The following PTPRK variants were observed in gnomAD, a reference collection of about 807,000 sequenced individuals.
PTPRK encodes the protein protein tyrosine phosphatase receptor type K.
PTPRK carries 75 observed loss-of-function variants against 178.0 expected under a neutral mutation model. That is an observed-to-expected ratio of 0.42 (90% CI 0.35 to 0.51). The LOEUF is 0.51. Ranked by LOEUF, PTPRK falls within the 20% of genes least tolerant of loss-of-function variation. PTPRK has a pLI of 0.02. For synonymous variants in PTPRK, 637 were observed against 620.6 expected (o/e 1.03, Z -0.39); for missense variants, 1,441 against 1,797.8 (o/e 0.80, Z 3.59).
At chr6:128,378,681 G>A (rs141428134) in intron 2 of PTPRK, among the ~76,000 whole-genome samples, 12 of 152,074 alleles carry the variant, frequency 7.9e-5, no homozygotes, top group East Asian at 3.9e-4. Flanking sequence ...ATGCATAATC[G>A]TTCAAAGAAG....
At chr6:128,071,027 T>C (rs1034250163) in intron 11 of PTPRK, among the ~76,000 whole-genome samples, 2 of 151,820 alleles carry the variant, frequency 1.3e-5, no homozygotes, top group African/African-American at 2.4e-5. Flanking sequence ...CTCATTTACC[T>C]TTCTTCCTGT....
chr6:128,001,916 A>C (rs2114694744), intron 15 of PTPRK, among the ~76,000 whole-genome samples: 1 of 152,026 alleles, frequency 6.6e-6, no homozygotes, highest in South Asian at 2.1e-4. Flanking sequence ...GCTTAGCAGA[A>C]GATGACATTT....
intron 15 of PTPRK, among the ~76,000 whole-genome samples, chr6:128,003,870 G>A (rs908601486): frequency 6.6e-6 from 1 of 151,544 alleles, no homozygotes; most frequent in Non-Finnish European, 1.5e-5. Flanking sequence ...GATCTGAAAG[G>A]CCCTGTCATG....
chr6:128,096,769 C>T (rs539093515), intron 7 of PTPRK, among the ~76,000 whole-genome samples: 1 of 151,926 alleles, frequency 6.6e-6, no homozygotes, highest in Admixed American at 6.6e-5. Flanking sequence ...TTTATCAAAA[C>T]AAATACAAGA....
intron 3 of PTPRK, among the ~76,000 whole-genome samples, chr6:128,307,549 G>A (rs971813437): frequency 6.7e-6 from 1 of 150,128 alleles, no homozygotes; most frequent in Non-Finnish European, 1.5e-5. Flanking sequence ...ATAAACCCAA[G>A]CCAAGACAAG....
intron 3 of PTPRK, among the ~76,000 whole-genome samples, chr6:128,263,713 T>C (rs1385010104): frequency 6.6e-6 from 1 of 152,128 alleles, no homozygotes; most frequent in African/African-American, 2.4e-5. Context: ...TTCCTAAAAA[T>C]TTAACAGTTA....
chr6:128,174,109 G>C (rs1335806597), intron 7 of PTPRK, among the ~76,000 whole-genome samples: 2 of 151,896 alleles, frequency 1.3e-5, no homozygotes, highest in African/African-American at 4.8e-5. Flanking sequence ...TCAGATTTCT[G>C]CATGTTTGTA....
chr6:128,090,311 CTTTCT>C (rs1031430549), intron 7 of PTPRK, among the ~76,000 whole-genome samples: 12 of 152,272 alleles, frequency 7.9e-5, no homozygotes, highest in Non-Finnish European at 1.2e-4. Context: ...AATTCTCTGC[CTTTCT>C]TTTGTCTTTA....
At chr6:128,016,285 G>A (rs1779582902) in intron 13 of PTPRK, among the ~76,000 whole-genome samples, 1 of 151,874 alleles carries the variant, frequency 6.6e-6, no homozygotes, top group South Asian at 2.1e-4. Flanking sequence ...GTTTGATGAA[G>A]GGTGACGTTA....
chr6:127,994,121 C>G (rs1159368567), intron 18 of PTPRK, among the ~76,000 whole-genome samples: 2 of 151,538 alleles, frequency 1.3e-5, no homozygotes, highest in Non-Finnish European at 3.0e-5. Context: ...AAATTGAACT[C>G]ATATACTCAT....
At chr6:128,111,550 A>G (rs1168003391) in intron 7 of PTPRK, among the ~76,000 whole-genome samples, 1 of 152,192 alleles carries the variant, frequency 6.6e-6, no homozygotes, top group African/African-American at 2.4e-5. Context: ...CTGATATGAA[A>G]CAAATATCAT....
At chr6:128,386,983 G>A (rs375778863) in intron 2 of PTPRK, among the ~76,000 whole-genome samples, 1 of 152,090 alleles carries the variant, frequency 6.6e-6, no homozygotes, top group East Asian at 1.9e-4. Flanking sequence ...CAGGAGAATC[G>A]GTTGAACCCA....
intron 5 of PTPRK, among the ~76,000 whole-genome samples, chr6:128,239,125 GTTTTTTTTTT>G (rs71833785): frequency 1.0e-5 from 1 of 98,780 alleles, no homozygotes; most frequent in African/African-American, 3.2e-5. Context: ...AACTCATCTT[GTTTTTTTTTT>G]TTTTTTTTTG....
At chr6:128,167,519 T>C (rs893650949) in intron 7 of PTPRK, among the ~76,000 whole-genome samples, 1 of 151,976 alleles carries the variant, frequency 6.6e-6, no homozygotes, top group African/African-American at 2.4e-5. Flanking sequence ...TTCCCTCCAT[T>C]AACAGGGTTA....
intron 1 of PTPRK, among the ~76,000 whole-genome samples, chr6:128,488,555 C>T (rs753419501): frequency 6.6e-5 from 10 of 152,274 alleles, no homozygotes; most frequent in South Asian, 4.1e-4. Context: ...CAATAGAATA[C>T]GCGATTTCTA....
At chr6:128,106,448 A>G (rs1789733677) in intron 7 of PTPRK, among the ~76,000 whole-genome samples, 1 of 152,066 alleles carries the variant, frequency 6.6e-6, no homozygotes, top group Non-Finnish European at 1.5e-5. Context: ...AAAAAGCATG[A>G]TTTCTGGATT....
At chr6:128,294,238 A>G (rs1823883094) in intron 3 of PTPRK, among the ~76,000 whole-genome samples, 3 of 152,114 alleles carry the variant, frequency 2.0e-5, no homozygotes, top group Admixed American at 2.0e-4. Flanking sequence ...TTCTATGAGC[A>G]GATTATTTTA....
intron 1 of PTPRK, among the ~76,000 whole-genome samples, chr6:128,417,576 A>G (rs191755678): frequency 6.6e-6 from 1 of 152,364 alleles, no homozygotes; most frequent in East Asian, 1.9e-4. Flanking sequence ...GCATATCATT[A>G]AAGGTTCTTT....
chr6:128,063,705 C>T (rs1002131796), intron 13 of PTPRK, among the ~76,000 whole-genome samples: 2 of 152,142 alleles, frequency 1.3e-5, no homozygotes, highest in African/African-American at 2.4e-5. Flanking sequence ...CAAAAGGAAT[C>T]TTCATAAGTG....
Sources: allele counts gnomAD v4.1 joint callset (sites outside exome capture counted in the v4.1 genomes callset), GRCh38; gene constraint gnomAD v4.1.1; transcripts MANE v1.5; gene names NCBI Gene and HGNC (gene_info 2026-07-23, HGNC 2026-07-21).